The following TMEM114 variants were observed in gnomAD, a reference collection of about 807,000 sequenced individuals.
TMEM114 encodes transmembrane protein 114, also known as claudin-26.
Under a neutral mutation model 6.2 loss-of-function variants are expected in TMEM114, and 6 were observed. The ratio of observed to expected loss-of-function variants is 0.97; its 90% CI spans 0.53 to 1.91. The LOEUF is 1.91. Among genes scored for constraint, TMEM114 ranks in the 40% most tolerant of loss-of-function variants. The pLI, the probability that TMEM114 is intolerant of heterozygous loss-of-function variation, is 0.01. For missense variants in TMEM114, 218 were observed against 158.3 expected (o/e 1.38, Z -2.02); for synonymous variants, 104 against 73.0 (o/e 1.42, Z -2.16).
intron 2 of TMEM114, among the ~76,000 whole-genome samples, chr16:8,562,944 GTAAA>G (rs1423597864): frequency 0.041 from 3,623 of 87,586 alleles, 410 homozygotes; most frequent in Non-Finnish European, 0.06. Context: ...GAATTAGTGA[GTAAA>G]TGAGTGAGTG....
chr16:8,555,774 C>G lies in TMEM114; in HGVS notation n.213-17948G>C, dbSNP rs968143058. On this transcript the variant is annotated intron_variant and non_coding_transcript_variant, in intron 2 of 2. Transcript: ENST00000623677. ...TTGTCATAATTGCAAAGGGGGGATG[C>G]AGTTGGCATCTACTGGGTGGAATCC... is the stretch of plus-strand genomic sequence containing the variant. 4.6e-5 allele frequency among the ~76,000 whole-genome samples: 7 copies of G among 152,270 alleles called. No homozygotes were observed. In the East Asian group the frequency reaches 1.4e-3, roughly 29 times the overall value.
chr16:8,576,190 A>G (rs1901921721), intron 2 of TMEM114, among the ~76,000 whole-genome samples: 1 of 152,116 alleles, frequency 6.6e-6, no homozygotes, highest in Non-Finnish European at 1.5e-5. Context: ...AGCTCATATG[A>G]CTGTCCCTGC....
downstream of TMEM114, among the ~76,000 whole-genome samples, chr16:8,564,557 G>C (rs1901453172): frequency 7.2e-6 from 1 of 138,184 alleles, no homozygotes; most frequent in Non-Finnish European, 1.5e-5. Flanking sequence ...CAGGGAATGA[G>C]TGAGTGAGTG....
intron 2 of TMEM114, among the ~76,000 whole-genome samples, chr16:8,580,515 A>G (rs143551973): frequency 0.013 from 1,956 of 151,678 alleles, 48 homozygotes; most frequent in African/African-American, 0.045. Flanking sequence ...AAAAAAGAAA[A>G]AAAAAGGAAA....
intron 2 of TMEM114, among the ~76,000 whole-genome samples, chr16:8,538,482 T>C (rs571789187): frequency 7.9e-5 from 12 of 151,178 alleles, no homozygotes; most frequent in African/African-American, 2.7e-4. Context: ...AGAATGTGTG[T>C]GCTGTGGTTT....
intron 2 of TMEM114, among the ~76,000 whole-genome samples, chr16:8,582,593 A>G (rs1241557690): frequency 6.6e-6 from 1 of 152,266 alleles, no homozygotes; most frequent in African/African-American, 2.4e-5. Flanking sequence ...TGGAGTAGAA[A>G]CAAACTGCTG....
chr16:8,546,700 C>G (rs529162455), intron 2 of TMEM114, among the ~76,000 whole-genome samples: 1 of 152,330 alleles, frequency 6.6e-6, no homozygotes, highest in African/African-American at 2.4e-5. Context: ...GATACCCCTA[C>G]CAGATCACAG....
At chr16:8,562,400 G>A (rs972946172) in intron 2 of TMEM114, among the ~76,000 whole-genome samples, 15 of 150,838 alleles carry the variant, frequency 9.9e-5, no homozygotes, top group Non-Finnish European at 2.1e-4. Flanking sequence ...GAGTGAGTGA[G>A]TGAATGAGTA....
chr16:8,565,319 A>G (rs575504137), downstream of TMEM114, among the ~76,000 whole-genome samples: 3 of 152,312 alleles, frequency 2.0e-5, no homozygotes, highest in South Asian at 6.2e-4. Flanking sequence ...TGAAGCAATG[A>G]GTGAGTAAAT....
chr16:8,567,875 T>C (rs987431816), downstream of TMEM114, among the ~76,000 whole-genome samples: 2 of 152,168 alleles, frequency 1.3e-5, no homozygotes, highest in African/African-American at 4.8e-5. Context: ...GCAAAAACTT[T>C]GTTTTCCCCA....
rs144395196 is a variant in TMEM114, at chr16:8,540,323, G to T, written n.213-2497C>A. Among the ~76,000 whole-genome samples the T allele has an allele frequency of 6.6e-5, 10 of 152,252 alleles. No homozygotes were observed. The South Asian group carries it at 2.1e-3, about 32-fold the overall frequency. ...ATAGAGGTAGGAGCTCTGGAGTCCA[G>T]CCACCTGAGCAGGAATCCCAGCTGA... is the stretch of plus-strand genomic sequence containing the variant. On this transcript the variant is annotated intron_variant and non_coding_transcript_variant, in intron 2 of 2. Transcript: ENST00000623677.
chr16:8,532,515 G>T, the TMEM114 span, among the ~76,000 whole-genome samples: 1 of 152,116 alleles, frequency 6.6e-6, no homozygotes, highest in African/African-American at 2.4e-5. Context: ...AAGGTGAAAG[G>T]CCAAACACCT....
At chr16:8,545,516 G>C (rs1900639157) in intron 2 of TMEM114, among the ~76,000 whole-genome samples, 1 of 152,190 alleles carries the variant, frequency 6.6e-6, no homozygotes, top group Admixed American at 6.5e-5. Context: ...ATTTTGATGT[G>C]TTAATCTAAT....
rs993274354 is a variant in TMEM114 at position 8,590,302 on chromosome 16, G to A, written c.-464C>T. On this transcript the variant is annotated 5_prime_UTR_variant, in exon 1 of 4. Transcript: ENST00000620492. ...AGACTCCTACTCCCTCCATTCCCCT[G>A]CCTCACTCTCCACGAACCCTCCCCA... 4.8e-4 allele frequency: 75 copies of A among 156,782 alleles called. No homozygotes were observed. Among genetic ancestry groups the A allele is most frequent in the African/African-American group, 1.5e-3 (64 of 41,608 alleles). The allele number at this position is 156,782 out of a possible 1,614,324, so 9.7% of individuals were successfully genotyped here.
chr16:8,577,853 C>T (rs1023319528), intron 2 of TMEM114, among the ~76,000 whole-genome samples: 1 of 152,138 alleles, frequency 6.6e-6, no homozygotes, highest in Non-Finnish European at 1.5e-5. Context: ...TCCCAAAGTG[C>T]GGAGATTACA....
At chr16:8,564,108 A>C (rs62646477) in intron 2 of TMEM114, among the ~76,000 whole-genome samples, 13,566 of 150,394 alleles carry the variant, frequency 0.09, 849 homozygotes, top group Middle Eastern at 0.18. Flanking sequence ...TGAGTGAGGA[A>C]ATAAGTAAGT....
intron 2 of TMEM114, among the ~76,000 whole-genome samples, chr16:8,557,086 C>G (rs1901037322): frequency 6.6e-6 from 1 of 152,158 alleles, no homozygotes; most frequent in Admixed American, 6.5e-5. Flanking sequence ...ATTGTACTTT[C>G]TAAACGTGGC....
At chr16:8,547,540 C>A (rs1275360662) in intron 2 of TMEM114, among the ~76,000 whole-genome samples, 1 of 151,882 alleles carries the variant, frequency 6.6e-6, no homozygotes, top group African/African-American at 2.4e-5. Flanking sequence ...TTACAGGCAC[C>A]CGCCACTACG....
At chr16:8,534,700 T>C (rs1200571443), downstream of TMEM114, among the ~76,000 whole-genome samples, 1 of 152,178 alleles carries the variant, frequency 6.6e-6, no homozygotes, top group Non-Finnish European at 1.5e-5. Flanking sequence ...AGTCCTTTGA[T>C]CCTCAGGACT....
Sources: allele counts gnomAD v4.1 joint callset (sites outside exome capture counted in the v4.1 genomes callset), GRCh38; gene constraint gnomAD v4.1.1; transcripts MANE v1.5; gene names NCBI Gene and HGNC (gene_info 2026-07-23, HGNC 2026-07-21).